Variants in TMTC4 observed in about 807,000 individuals in gnomAD.
TMTC4 encodes the protein transmembrane O-mannosyltransferase targeting cadherins 4.
A neutral mutation model predicts 86.0 loss-of-function variants in TMTC4; 65 were observed. The observed-to-expected ratio is 0.76, with a 90% CI of 0.62 to 0.93. The LOEUF is 0.93. Among genes scored for constraint, TMTC4 ranks in the 40% least tolerant of loss-of-function variants. The pLI, the probability that TMTC4 is intolerant of heterozygous loss-of-function variation, is 0.00. For missense variants in TMTC4, 866 were observed against 948.1 expected (o/e 0.91, Z 1.14); for synonymous variants, 379 against 382.5 (o/e 0.99, Z 0.11).
intron 15 of TMTC4, among the ~76,000 whole-genome samples, chr13:100,622,512 G>A (rs1055160350): frequency 7.2e-5 from 11 of 152,208 alleles, no homozygotes; most frequent in Non-Finnish European, 5.9e-5. Flanking sequence ...TACTGTTCTC[G>A]TGGTAGTGAC....
intron 13 of TMTC4, 81 bp from the exon 14 acceptor site, chr13:100,625,973 T>G: frequency 3.1e-6 from 5 of 1,593,848 alleles, no homozygotes; most frequent in Non-Finnish European, 4.3e-6. Context: ...TCGGTAAAGA[T>G]ATTGTAAAGT....
rs1876469637 is a variant in TMTC4 at position 100,605,607 on chromosome 13, CT to C, written c.2135-466del. 1.3e-5 allele frequency among the ~76,000 whole-genome samples: 2 copies of C among 152,098 alleles called. No individual in the cohort carries two copies. Among genetic ancestry groups the C allele is most frequent in the Non-Finnish European group, 2.9e-5 (2 of 68,010 alleles). On this transcript the variant is annotated intron_variant, in intron 18 of 18. Coordinates refer to ENST00000342624, the MANE Select transcript of TMTC4 (RefSeq NM_032813.5). The surrounding 1 kb of genome is among the most constrained non-coding windows in gnomAD (Gnocchi z 4.3). The stretch of plus-strand genomic sequence containing the variant: ...GTTTGGGTCCATTTAGAAAAAAGGC[CT>C]CTGATATCAAGAGCTGACCCTAAAA...
At chr13:100,641,576 C>G (rs1198120618) in intron 7 of TMTC4, among the ~76,000 whole-genome samples, 1 of 152,140 alleles carries the variant, frequency 6.6e-6, no homozygotes, top group Admixed American at 6.5e-5. Context: ...CCACCTCCGC[C>G]TCCTGGGTTC....
At chr13:100,662,313 G>C (rs1885883234) in intron 5 of TMTC4, among the ~76,000 whole-genome samples, 1 of 150,564 alleles carries the variant, frequency 6.6e-6, no homozygotes, top group East Asian at 2.0e-4. Context: ...CCGCTTTCCA[G>C]TTCAATACCA....
intron 5 of TMTC4, among the ~76,000 whole-genome samples, chr13:100,657,480 T>C (rs954459802): frequency 6.6e-6 from 1 of 152,248 alleles, no homozygotes; most frequent in East Asian, 1.9e-4. Context: ...ATATCAACTA[T>C]GTGTTTCTTT....
At chr13:100,674,395 C>G in intron 1 of TMTC4, 1 of 946,784 alleles carries the variant, frequency 1.1e-6, no homozygotes, top group Non-Finnish European at 1.3e-6. Context: ...GCGCCGGGTG[C>G]GCCCGGGCCG....
chr13:100,634,532 G>T (rs896461968), intron 12 of TMTC4, among the ~76,000 whole-genome samples: 3 of 152,094 alleles, frequency 2.0e-5, no homozygotes, highest in African/African-American at 7.2e-5. Context: ...AGGGTGAGTA[G>T]ATCATCTGGA....
chr13:100,634,688 G>A (rs1881940683), intron 12 of TMTC4, 117 bp downstream of exon 12: 3 of 1,271,008 alleles, frequency 2.4e-6, no homozygotes, highest in Non-Finnish European at 3.1e-6. Context: ...AAAAACCCAA[G>A]TATTCGGTCA....
chr13:100,632,053 A>ACACTCTCTCACTCTCTCTCTCTCTCT (rs1296569630), intron 12 of TMTC4, among the ~76,000 whole-genome samples: 2 of 43,110 alleles, frequency 4.6e-5, no homozygotes, highest in African/African-American at 1.7e-4. Flanking sequence ...ACACACACAC[A>ACACTCTCTCACTCTCTCTCTCTCTCT]CTCTCTCTCT....
intron 7 of TMTC4, 45 bp from the exon 8 acceptor site, chr13:100,638,067 G>T: frequency 6.7e-7 from 1 of 1,485,066 alleles, no homozygotes; most frequent in Non-Finnish European, 9.4e-7. Flanking sequence ...GAGCTTGGCT[G>T]TGTTAGGCAG....
intron 3 of TMTC4, among the ~76,000 whole-genome samples, chr13:100,667,612 A>T (rs1485745319): frequency 3.3e-5 from 5 of 152,182 alleles, no homozygotes; most frequent in African/African-American, 4.8e-5. Context: ...TATGAAAATG[A>T]CTTTATACTT....
chr13:100,674,978 A>T (rs553836081), upstream of TMTC4: 8 of 985,642 alleles, frequency 8.1e-6, no homozygotes, highest in South Asian at 2.3e-4. Flanking sequence ...GCCACAGCCA[A>T]GTCCCTCCTC....
At chr13:100,647,287 T>TG (rs1883877296) in intron 6 of TMTC4, among the ~76,000 whole-genome samples, 1 of 152,224 alleles carries the variant, frequency 6.6e-6, no homozygotes, top group African/African-American at 2.4e-5. Flanking sequence ...AAGAGACCCC[T>TG]GGCCCCTGCC....
Position 100,640,365 on chromosome 13 carries a change from A to G in TMTC4, c.741+1846T>C, listed in dbSNP as rs1269862005. On this transcript the variant is annotated intron_variant, in intron 7 of 18. Transcript: ENST00000342624. ...CCAAGGTTGAAAAACACTGTTTTAG[A>G]GCAAATTAAAAAAAAATTAACTCAT... Among the ~76,000 whole-genome samples, 4 of 152,162 alleles carry G rather than the reference A, an allele frequency of 2.6e-5. No individual in the cohort carries two copies. In the East Asian group the frequency reaches 5.8e-4, roughly 22 times the overall value.
chr13:100,674,246 G>C (rs1309337753), intron 1 of TMTC4: 1 of 980,318 alleles, frequency 1.0e-6, no homozygotes. Flanking sequence ...CGCTCGCGGC[G>C]CGGCGGGGGA....
intron 12 of TMTC4, among the ~76,000 whole-genome samples, chr13:100,630,065 G>T (rs74118112): frequency 7.0e-6 from 1 of 142,596 alleles, no homozygotes; most frequent in Non-Finnish European, 1.5e-5. Flanking sequence ...GTGTGTGTGT[G>T]TATGTGTGTG....
At chr13:100,617,453 A>G (rs1435525167) in intron 15 of TMTC4, among the ~76,000 whole-genome samples, 2 of 152,152 alleles carry the variant, frequency 1.3e-5, no homozygotes, top group African/African-American at 4.8e-5. Context: ...GGATTCTTGT[A>G]GTTTGAGGTC....
chr13:100,642,996 C>G (rs148635189), intron 6 of TMTC4, among the ~76,000 whole-genome samples: 174 of 152,280 alleles, frequency 1.1e-3, no homozygotes, highest in Admixed American at 3.8e-3. Context: ...CGTGTGAACA[C>G]TGTAAGAAGC....
chr13:100,609,607 T>C (rs1182941003), intron 17 of TMTC4, among the ~76,000 whole-genome samples: 3 of 152,112 alleles, frequency 2.0e-5, no homozygotes, highest in Non-Finnish European at 4.4e-5. Context: ...CAAGAAGTAA[T>C]ATAAATTTTA....
Sources: gnomAD v4.1 joint callset for allele counts (sites outside exome capture counted in the v4.1 genomes callset) on GRCh38, gnomAD v4.1.1 for gene constraint, Gnocchi (gnomAD v3.1) non-coding constraint, MANE v1.5 for transcripts, NCBI Gene and HGNC (gene_info 2026-07-23, HGNC 2026-07-21) for gene names.